Variants in NPTN observed in about 807,000 individuals in gnomAD.
NPTN encodes the protein neuroplastin, also known as SDR-1.
NPTN carries 5 observed loss-of-function variants against 42.7 expected under a neutral mutation model. The observed-to-expected ratio is 0.12, with a 90% CI of 0.06 to 0.25. NPTN has a LOEUF of 0.25. NPTN is among the 10% of genes least tolerant of loss of function. The probability of loss-of-function intolerance (pLI) is 1.00; values close to 1 mark genes in which losing one functional copy is unlikely to be tolerated. For missense variants in NPTN, 307 were observed against 525.4 expected (o/e 0.58, Z 4.06); for synonymous variants, 180 against 201.9 (o/e 0.89, Z 0.92).
At chr15:73,563,002 G>A (rs1411511473) in intron 7 of NPTN, among the ~76,000 whole-genome samples, 1 of 150,112 alleles carries the variant, frequency 6.7e-6, no homozygotes, top group Non-Finnish European at 1.5e-5. Context: ...AAAAAAAAAA[G>A]TTTTTTGCAT....
chr15:73,562,629 A>G (rs1347141757), intron 7 of NPTN, among the ~76,000 whole-genome samples: 2 of 152,166 alleles, frequency 1.3e-5, no homozygotes, highest in Admixed American at 6.5e-5. Context: ...TCTTAGATTG[A>G]TTCCATACCT....
intron 1 of NPTN, among the ~76,000 whole-genome samples, chr15:73,630,293 G>T (rs1208723816): frequency 6.6e-6 from 1 of 152,188 alleles, no homozygotes; most frequent in Non-Finnish European, 1.5e-5. Flanking sequence ...GTCTGTCACC[G>T]TCCAAAGCCT....
At chr15:73,604,924 T>A (rs1034263483) in intron 1 of NPTN, among the ~76,000 whole-genome samples, 3 of 151,752 alleles carry the variant, frequency 2.0e-5, no homozygotes, top group Non-Finnish European at 2.9e-5. Context: ...CTGGACAACA[T>A]GGTGAAATCC....
chr15:73,587,000 T>C (rs1340942393), intron 4 of NPTN, among the ~76,000 whole-genome samples: 1 of 152,216 alleles, frequency 6.6e-6, no homozygotes, highest in African/African-American at 2.4e-5. Context: ...TACTGCCTCA[T>C]CTTTCAAAGG....
chr15:73,585,178 G>C (rs1896255346), intron 4 of NPTN, among the ~76,000 whole-genome samples: 2 of 152,182 alleles, frequency 1.3e-5, no homozygotes, highest in South Asian at 4.1e-4. Flanking sequence ...GCCCTGTTGT[G>C]CTGATTCAGT....
intron 1 of NPTN, among the ~76,000 whole-genome samples, chr15:73,624,026 C>T (rs890022774): frequency 1.3e-5 from 2 of 152,202 alleles, no homozygotes; most frequent in Non-Finnish European, 2.9e-5. Context: ...TACACTGCTA[C>T]CTTGAAAGTA....
chr15:73,617,000 A>C (rs1897894245), intron 1 of NPTN, among the ~76,000 whole-genome samples: 1 of 152,230 alleles, frequency 6.6e-6, no homozygotes, highest in South Asian at 2.1e-4. Context: ...TCAAGAATGC[A>C]GTCACTATCA....
At chr15:73,622,115 C>T (rs966168962) in intron 1 of NPTN, among the ~76,000 whole-genome samples, 2 of 152,138 alleles carry the variant, frequency 1.3e-5, no homozygotes, top group African/African-American at 4.8e-5. Context: ...CGCGCCACTA[C>T]ACTCCAGCCT....
intron 4 of NPTN, among the ~76,000 whole-genome samples, chr15:73,587,001 C>T (rs1217971689): frequency 1.3e-5 from 2 of 152,158 alleles, no homozygotes; most frequent in Non-Finnish European, 2.9e-5. Flanking sequence ...ACTGCCTCAT[C>T]TTTCAAAGGT....
At chr15:73,619,491 G>A (rs1401974942) in intron 1 of NPTN, among the ~76,000 whole-genome samples, 1 of 152,130 alleles carries the variant, frequency 6.6e-6, no homozygotes, top group African/African-American at 2.4e-5. Context: ...TTTTGATGGT[G>A]CAATACATTA....
At chr15:73,632,717 A>C in intron 1 of NPTN, 1 of 171,912 alleles carries the variant, frequency 5.8e-6, no homozygotes, top group Non-Finnish European at 1.2e-5. Context: ...GGGGGGCCTG[A>C]CGGACACCAC....
intron 8 of NPTN, among the ~76,000 whole-genome samples, chr15:73,561,617 T>C (rs1044994112): frequency 6.6e-6 from 1 of 150,802 alleles, no homozygotes; most frequent in Non-Finnish European, 1.5e-5. Flanking sequence ...GAGGCGGAGG[T>C]TGCAGTGAGC....
chr15:73,582,967 C>T (rs1208159808), intron 4 of NPTN, among the ~76,000 whole-genome samples: 1 of 152,188 alleles, frequency 6.6e-6, no homozygotes, highest in East Asian at 1.9e-4. Flanking sequence ...AGCGTGCAGG[C>T]AGCCTATTGT....
Position 73,597,286 on chromosome 15 carries a change from T to G in NPTN, c.175A>C (p.Thr59Pro), listed in dbSNP as rs752547142. 1 of 1,613,780 alleles carries G rather than the reference T, an allele frequency of 6.2e-7. No individual in the cohort carries two copies. Residue 59 changes from threonine to proline, a missense_variant, in exon 2 of 9, where the codon ACG (threonine) becomes CCG (proline). Coordinates refer to ENST00000345330, the MANE Select transcript of NPTN (RefSeq NM_012428.4). This position sits in a 1 kb window ranked among gnomAD's most constrained non-coding sequence, Gnocchi z 6.3. ...ELYCDVVGSP[T>P]PEIQWWYAEV... ...GCGTACCACCACTGGATCTCTGGCG[T>G]GGGGCTCCCGACCACGTCACAGTAC...
chr15:73,615,612 A>G (rs997273542), intron 1 of NPTN, among the ~76,000 whole-genome samples: 9 of 152,192 alleles, frequency 5.9e-5, no homozygotes, highest in African/African-American at 1.9e-4. Context: ...AGTGAGTTCC[A>G]CTTCTCTGTC....
At chr15:73,616,878 T>A (rs1897888614) in intron 1 of NPTN, among the ~76,000 whole-genome samples, 2 of 152,188 alleles carry the variant, frequency 1.3e-5, no homozygotes, top group Admixed American at 1.3e-4. Flanking sequence ...ATATTAAATG[T>A]GTGAACACTG....
intron 1 of NPTN, among the ~76,000 whole-genome samples, chr15:73,613,391 A>G (rs1029157557): frequency 2.6e-5 from 4 of 152,248 alleles, no homozygotes; most frequent in Admixed American, 2.0e-4. Context: ...TCCATTAACT[A>G]GAACCTATTG....
At chr15:73,602,713 A>C (rs537408520) in intron 1 of NPTN, among the ~76,000 whole-genome samples, 1 of 152,332 alleles carries the variant, frequency 6.6e-6, no homozygotes, top group Non-Finnish European at 1.5e-5. Flanking sequence ...TCCTGGGAGC[A>C]GAGGAAATGG....
intron 6 of NPTN, chr15:73,567,214 TGAC>T (rs1219251101): frequency 5.1e-6 from 5 of 985,174 alleles, no homozygotes; most frequent in African/African-American, 1.7e-5. Context: ...GCCCAAAATA[TGAC>T]GACTGTGCAT....
Sources: allele counts gnomAD v4.1 joint callset (sites outside exome capture counted in the v4.1 genomes callset), GRCh38; gene constraint gnomAD v4.1.1; non-coding constraint Gnocchi (gnomAD v3.1); transcripts MANE v1.5; gene names NCBI Gene and HGNC (gene_info 2026-07-23, HGNC 2026-07-21).